ATP9B: variants seen among roughly 807,000 people sequenced by gnomAD.
ATP9B encodes the protein probable phospholipid-transporting ATPase IIB.
Under a neutral mutation model 146.1 loss-of-function variants are expected in ATP9B, and 110 were observed. The observed-to-expected ratio is 0.75, with a 90% CI of 0.65 to 0.88. The LOEUF (loss-of-function observed/expected upper bound fraction) is 0.88, where lower values mean the gene tolerates loss of function less well. Among genes scored for constraint, ATP9B ranks in the 40% least tolerant of loss-of-function variants. The probability of loss-of-function intolerance (pLI) is 0.00; values close to 1 mark genes in which losing one functional copy is unlikely to be tolerated. For synonymous variants in ATP9B, 604 were observed against 569.7 expected (o/e 1.06, Z -0.86); for missense variants, 1,499 against 1,496.4 (o/e 1.00, Z -0.03).
chr18:79,336,745 G>A (rs778663757), intron 18 of ATP9B, 34 bp downstream of exon 18: 23 of 1,598,850 alleles, frequency 1.4e-5, no homozygotes, highest in African/African-American at 6.7e-5. Context: ...ATCCTCCTAC[G>A]ACGTTTCCTT....
intron 25 of ATP9B, chr18:79,353,995 C>A (rs2096936350): frequency 6.6e-6 from 1 of 152,160 alleles, no homozygotes; most frequent in African/African-American, 2.4e-5. Flanking sequence ...AGCAGTAACT[C>A]ATCAAGAAAA....
At chr18:79,325,615 G>T (rs980440406) in intron 15 of ATP9B, among the ~76,000 whole-genome samples, 1 of 152,126 alleles carries the variant, frequency 6.6e-6, no homozygotes, top group Non-Finnish European at 1.5e-5. Flanking sequence ...GGGAAGGAGC[G>T]GGGGCTTTTG....
chr18:79,219,012 G>A (rs114522912), intron 11 of ATP9B, among the ~76,000 whole-genome samples: 2,406 of 152,304 alleles, frequency 0.016, 66 homozygotes, highest in African/African-American at 0.055. Context: ...AAGGGATAAG[G>A]AGAGGAAGAG....
At chr18:79,083,564 C>T (rs992336237) in intron 1 of ATP9B, among the ~76,000 whole-genome samples, 22 of 152,258 alleles carry the variant, frequency 1.4e-4, no homozygotes, top group Middle Eastern at 3.4e-3. Flanking sequence ...TCCTGGTCTG[C>T]GGATTGCGAA....
intron 2 of ATP9B, among the ~76,000 whole-genome samples, chr18:79,099,666 A>G (rs994815828): frequency 2.0e-5 from 3 of 151,968 alleles, no homozygotes; most frequent in Non-Finnish European, 2.9e-5. Flanking sequence ...AGGTCTTGCT[A>G]TGTTGCCCAG....
intron 13 of ATP9B, among the ~76,000 whole-genome samples, chr18:79,294,562 A>G (rs77205413): frequency 0.071 from 10,849 of 152,284 alleles, 512 homozygotes; most frequent in Middle Eastern, 0.11. Context: ...GAAGAAAGAG[A>G]TGGAGGAGAA....
At chr18:79,182,121 C>G (rs1394647395) in intron 8 of ATP9B, among the ~76,000 whole-genome samples, 9 of 152,122 alleles carry the variant, frequency 5.9e-5, no homozygotes, top group Non-Finnish European at 1.3e-4. Flanking sequence ...CCTAGAGGCT[C>G]CTTTATTGGA....
chr18:79,196,843 T>C (rs2095422174), intron 9 of ATP9B, among the ~76,000 whole-genome samples: 1 of 152,076 alleles, frequency 6.6e-6, no homozygotes, highest in African/African-American at 2.4e-5. Flanking sequence ...CGAGAAAGCA[T>C]TTAGAATGAG....
At chr18:79,376,254 C>T (rs1378150955) in intron 29 of ATP9B, 1 of 983,668 alleles carries the variant, frequency 1.0e-6, no homozygotes, top group East Asian at 1.1e-4. Context: ...ATCGTCCAAA[C>T]AAATCCCACA....
At chr18:79,209,784 T>G (rs58455369) in intron 10 of ATP9B, 1 of 585,834 alleles carries the variant, frequency 1.7e-6, no homozygotes, top group East Asian at 1.4e-4. Context: ...TTCAGCTCTT[T>G]TAGTACATAC....
intron 8 of ATP9B, among the ~76,000 whole-genome samples, chr18:79,184,796 T>C (rs764936616): frequency 2.0e-5 from 3 of 152,114 alleles, no homozygotes; most frequent in Non-Finnish European, 2.9e-5. Flanking sequence ...GCTGTAACAC[T>C]TGGACAAAAG....
At chr18:79,275,178 C>T (rs1259159757) in intron 12 of ATP9B, among the ~76,000 whole-genome samples, 1 of 152,224 alleles carries the variant, frequency 6.6e-6, no homozygotes, top group East Asian at 1.9e-4. Context: ...GAATCAGAGC[C>T]ATGAATAGCG....
At chr18:79,083,385 G>C (rs2073466892) in intron 1 of ATP9B, among the ~76,000 whole-genome samples, 1 of 152,166 alleles carries the variant, frequency 6.6e-6, no homozygotes, top group Non-Finnish European at 1.5e-5. Flanking sequence ...TTGGCTCCCT[G>C]GCTTCAGCCC....
chr18:79,374,142 C>A (rs368813284), intron 28 of ATP9B, 41 bp downstream of exon 28: 3 of 1,585,434 alleles, frequency 1.9e-6, no homozygotes, highest in Non-Finnish European at 2.6e-6. Flanking sequence ...GTTCTCTATT[C>A]ATGATTTTGA....
At chr18:79,368,972 G>T (rs1210672532) in intron 26 of ATP9B, among the ~76,000 whole-genome samples, 1 of 141,590 alleles carries the variant, frequency 7.1e-6, no homozygotes, top group Non-Finnish European at 1.6e-5. Flanking sequence ...CGGCGCCACC[G>T]TGAGCACCGT....
chr18:79,192,933 CTGTTT>C (rs1265645990), intron 8 of ATP9B, among the ~76,000 whole-genome samples: 1 of 152,158 alleles, frequency 6.6e-6, no homozygotes, highest in African/African-American at 2.4e-5. Flanking sequence ...CCGGGGCTGC[CTGTTT>C]TGAGTGTCTC....
Position 79,143,961 on chromosome 18 carries a change from ATTTT to A in ATP9B, c.726+102_726+105del. 8 of 650,760 alleles carry A rather than the reference ATTTT, an allele frequency of 1.2e-5. No homozygotes were observed. In the South Asian group the frequency reaches 2.5e-4, roughly 21 times the overall value. 40.3% of individuals were successfully genotyped at this position (650,760 alleles called of 1,614,324 possible). On this transcript the variant is annotated intron_variant, in intron 6 of 29. Transcript: ENST00000426216. ...GAATTTGAAAGAAATTGAGACATGT[ATTTT>A]GAATCATAATATCCTTGTGTAAGAT... is the stretch of plus-strand genomic sequence containing the variant.
rs1304879263 is a variant in ATP9B, at chr18:79,118,384, G to GTTTTTTT, written c.558+5035_558+5036insTTTTTTT. 4.0e-3 allele frequency among the ~76,000 whole-genome samples: 296 copies of GTTTTTTT among 73,462 alleles called. 45 individuals carry two copies. The highest frequency in any genetic ancestry group is 0.013 in the African/African-American group (239 of 18,662). The allele number at this position is 73,462 out of a possible 152,430, so 48.2% of individuals were successfully genotyped here. A position where few individuals can be genotyped will look rare whatever the true frequency, so the allele number is the denominator to read the frequency against. ...ATTTTAAAACACAATCATATTGAACGTTTTTGTTTTTTTTTTTTTTTTTTT... is the reference window on the plus strand; with the variant it reads ...ATTTTAAAACACAATCATATTGAACGTTTTTTTTTTTTGTTTTTTTTTTTTTTTTTTT... On this transcript the variant is annotated intron_variant, in intron 4 of 29. Transcript: ENST00000426216.
intron 25 of ATP9B, chr18:79,352,853 G>C (rs1036811688): frequency 6.6e-6 from 1 of 152,306 alleles, no homozygotes; most frequent in African/African-American, 2.4e-5. Context: ...TAAAAATTAA[G>C]TTTTTGCTCT....
Sources: gnomAD v4.1 joint callset for allele counts (sites outside exome capture counted in the v4.1 genomes callset) on GRCh38, gnomAD v4.1.1 for gene constraint, MANE v1.5 for transcripts, NCBI Gene and HGNC (gene_info 2026-07-23, HGNC 2026-07-21) for gene names.